PKNOX2: variants seen among roughly 807,000 people sequenced by gnomAD.
PKNOX2 encodes the protein homeobox protein PKNOX2.
In PKNOX2, 14 loss-of-function variants were observed where a neutral mutation model predicts 53.1. That is an observed-to-expected ratio of 0.26 (90% CI 0.17 to 0.41). The LOEUF is 0.41. Ranked by LOEUF, PKNOX2 falls within the 10% of genes least tolerant of loss-of-function variation. The pLI is 1.00. For missense variants in PKNOX2, 496 were observed against 602.8 expected (o/e 0.82, Z 1.85); for synonymous variants, 257 against 242.8 (o/e 1.06, Z -0.54).
intron 3 of PKNOX2, among the ~76,000 whole-genome samples, chr11:125,332,295 G>T (rs573005873): frequency 6.6e-6 from 1 of 151,952 alleles, no homozygotes; most frequent in South Asian, 2.1e-4. Flanking sequence ...GCGGGGTGGG[G>T]TGGGGGGTTC....
intron 2 of PKNOX2, among the ~76,000 whole-genome samples, chr11:125,322,735 C>T (rs898580314): frequency 2.0e-5 from 3 of 152,198 alleles, no homozygotes; most frequent in African/African-American, 7.2e-5. Context: ...CCAGAGTGTG[C>T]AGGTCACCTT....
intron 2 of PKNOX2, among the ~76,000 whole-genome samples, chr11:125,329,064 G>A (rs1023209968): frequency 6.6e-6 from 1 of 152,202 alleles, no homozygotes; most frequent in Non-Finnish European, 1.5e-5. Context: ...GTCATTATGT[G>A]TTTATAATAG....
At chr11:125,233,465 G>A (rs1320638273) in intron 1 of PKNOX2, among the ~76,000 whole-genome samples, 1 of 152,246 alleles carries the variant, frequency 6.6e-6, no homozygotes, top group East Asian at 1.9e-4. Flanking sequence ...TGCTTGGAAT[G>A]ATGAGAGTCC....
intron 2 of PKNOX2, among the ~76,000 whole-genome samples, chr11:125,263,150 T>A (rs1055102560): frequency 1.3e-5 from 2 of 152,192 alleles, no homozygotes; most frequent in Non-Finnish European, 2.9e-5. Context: ...GACCAATTCC[T>A]ATTTTTCCTT....
At chr11:125,193,334 T>A (rs938531854) in intron 1 of PKNOX2, among the ~76,000 whole-genome samples, 1 of 152,208 alleles carries the variant, frequency 6.6e-6, no homozygotes, top group African/African-American at 2.4e-5. Flanking sequence ...CGAGGAATGC[T>A]GCAGAGGCCC....
intron 10 of PKNOX2, among the ~76,000 whole-genome samples, chr11:125,415,070 T>C (rs796086537): frequency 4.6e-4 from 70 of 152,234 alleles, no homozygotes; most frequent in African/African-American, 1.6e-3. Context: ...TCTGACTCTG[T>C]TGTAAATTTC....
At chr11:125,376,531 G>T (rs1346290752) in intron 5 of PKNOX2, among the ~76,000 whole-genome samples, 2 of 152,172 alleles carry the variant, frequency 1.3e-5, no homozygotes, top group East Asian at 3.9e-4. Context: ...AAAGAAGGCA[G>T]GTCCTTTCGT....
chr11:125,391,419 G>T (rs75392943), intron 6 of PKNOX2, among the ~76,000 whole-genome samples: 8,351 of 152,270 alleles, frequency 0.055, 312 homozygotes, highest in African/African-American at 0.099. Context: ...TGATGGTGGA[G>T]GGAGGACCAT....
Position 125,431,219 on chromosome 11 carries a change from G to A in PKNOX2, c.1246G>A (p.Ala416Thr). ...QSLSSDSATMAMQQAMMAAHD... is the reference protein window; with the variant it reads ...QSLSSDSATMTMQQAMMAAHD... ...CCTGTCCTCAGACAGTGCCACCATGGCCATGCAGCAGGCTATGATGGCTGC... is the reference window on the plus strand; with the variant it reads ...CCTGTCCTCAGACAGTGCCACCATGACCATGCAGCAGGCTATGATGGCTGC... Residue 416 changes from alanine (A) to threonine (T), a missense_variant, in exon 13 of 13, where the codon GCC becomes ACC. Around this residue, in one of 5 missense-constraint regions of PKNOX2, gnomAD observed 139 missense variants for 161.3 expected, o/e 0.86. Coordinates refer to ENST00000298282, the MANE Select transcript of PKNOX2 (RefSeq NM_001382323.2). 1 of 1,613,778 alleles carries A rather than the reference G, an allele frequency of 6.2e-7. No individual in the cohort carries two copies. Among genetic ancestry groups the A allele is most frequent in the Non-Finnish European group, 8.5e-7 (1 of 1,179,872 alleles).
chr11:125,274,578 G>A (rs998464664), intron 2 of PKNOX2, among the ~76,000 whole-genome samples: 8 of 152,226 alleles, frequency 5.3e-5, no homozygotes, highest in Admixed American at 2.0e-4. Context: ...AAGAAGGCAG[G>A]CAAGGATGCG....
intron 2 of PKNOX2, among the ~76,000 whole-genome samples, chr11:125,285,412 C>G (rs1256690360): frequency 6.6e-6 from 1 of 152,178 alleles, no homozygotes; most frequent in East Asian, 1.9e-4. Flanking sequence ...AGAGTCTTGA[C>G]AGTTAGGTTA....
At chr11:125,171,224 G>A (rs1010535023) in intron 1 of PKNOX2, among the ~76,000 whole-genome samples, 2 of 152,116 alleles carry the variant, frequency 1.3e-5, no homozygotes, top group Non-Finnish European at 2.9e-5. Flanking sequence ...GCTGGGGAGG[G>A]GCAGCATGGC....
intron 5 of PKNOX2, among the ~76,000 whole-genome samples, chr11:125,368,978 G>A (rs901171462): frequency 3.3e-5 from 5 of 152,186 alleles, no homozygotes; most frequent in Non-Finnish European, 5.9e-5. Context: ...GGCACACACT[G>A]CAGCAGGTGC....
At chr11:125,270,886 T>C (rs1851360601) in intron 2 of PKNOX2, among the ~76,000 whole-genome samples, 2 of 152,174 alleles carry the variant, frequency 1.3e-5, no homozygotes, top group Admixed American at 1.3e-4. Flanking sequence ...GTATCAGGCA[T>C]GGGCTGATTC....
intron 2 of PKNOX2, among the ~76,000 whole-genome samples, chr11:125,266,425 C>T (rs1945347448): frequency 6.6e-6 from 1 of 152,222 alleles, no homozygotes; most frequent in African/African-American, 2.4e-5. Context: ...AACCTTTCAT[C>T]CTCCCCACTA....
chr11:125,408,362 G>A lies in PKNOX2; in HGVS notation c.589-1834G>A, dbSNP rs1174760891. Among the ~76,000 whole-genome samples the A allele has an allele frequency of 2.6e-5, 4 of 152,220 alleles. No individual in the cohort carries two copies. The East Asian group carries it at 5.8e-4, about 22-fold the overall frequency. On this transcript the variant is annotated intron_variant, in intron 7 of 12. Transcript: ENST00000298282. ...TCACGGGCTAGGCGGCTCCCACGGGGCCCCAGGAAGGGGAAGCCAAGGCAA... is the reference window on the plus strand; with the variant it reads ...TCACGGGCTAGGCGGCTCCCACGGGACCCCAGGAAGGGGAAGCCAAGGCAA...
chr11:125,388,155 C>T (rs751522309), intron 6 of PKNOX2, among the ~76,000 whole-genome samples: 1 of 152,030 alleles, frequency 6.6e-6, no homozygotes, highest in Admixed American at 6.6e-5. Context: ...TTGCCACCCC[C>T]ACCCCTGGTC....
chr11:125,319,905 G>T (rs117382876), intron 2 of PKNOX2, among the ~76,000 whole-genome samples: 1 of 152,188 alleles, frequency 6.6e-6, no homozygotes, highest in Non-Finnish European at 1.5e-5. Context: ...AGATGAGGCT[G>T]GAAAGGTGGG....
chr11:125,204,302 A>G (rs1172265264), intron 1 of PKNOX2, among the ~76,000 whole-genome samples: 1 of 152,146 alleles, frequency 6.6e-6, no homozygotes, highest in Non-Finnish European at 1.5e-5. Context: ...ATGTTAAGGT[A>G]CAATACAAAG....
Sources: allele counts gnomAD v4.1 joint callset (sites outside exome capture counted in the v4.1 genomes callset), GRCh38; gene constraint gnomAD v4.1.1; regional missense constraint gnomAD v4.1.1; transcripts MANE v1.5; gene names NCBI Gene and HGNC (gene_info 2026-07-23, HGNC 2026-07-21).